BTBD9: variants seen among roughly 807,000 people sequenced by gnomAD.
BTBD9 encodes the protein BTB domain containing 9, also known as BTB/POZ domain-containing protein 9.
Under a neutral mutation model 64.3 loss-of-function variants are expected in BTBD9, and 49 were observed. The observed-to-expected ratio is 0.76, with a 90% CI of 0.61 to 0.97. The LOEUF (loss-of-function observed/expected upper bound fraction) is 0.97, where lower values mean the gene tolerates loss of function less well. BTBD9 is among the 50% of genes least tolerant of loss of function. BTBD9 has a pLI of 0.00. For missense variants in BTBD9, 598 were observed against 762.1 expected, an observed-to-expected ratio of 0.78 and a Z score of 2.53; for synonymous variants, 260 against 274.7, an observed-to-expected ratio of 0.95 and a Z score of 0.53.
At chr6:38,508,068 TG>T (rs760747243) in intron 6 of BTBD9, among the ~76,000 whole-genome samples, 5 of 151,964 alleles carry the variant, frequency 3.3e-5, no homozygotes, top group Non-Finnish European at 5.9e-5. Flanking sequence ...CTCCTGACCT[TG>T]TGATCCACCT....
intron 6 of BTBD9, among the ~76,000 whole-genome samples, chr6:38,537,816 C>T (rs1774087754): frequency 6.6e-6 from 1 of 152,086 alleles, no homozygotes; most frequent in South Asian, 2.1e-4. Context: ...TAAGTTCTCA[C>T]CAAAGGAACG....
intron 1 of BTBD9, among the ~76,000 whole-genome samples, chr6:38,624,071 T>C (rs1220444184): frequency 6.6e-6 from 1 of 152,080 alleles, no homozygotes; most frequent in Non-Finnish European, 1.5e-5. Context: ...CTGGGTTGAG[T>C]GGGGACTTGG....
intron 1 of BTBD9, among the ~76,000 whole-genome samples, chr6:38,634,150 T>C (rs891042390): frequency 3.9e-5 from 6 of 152,226 alleles, no homozygotes; most frequent in Admixed American, 1.3e-4. Context: ...CTGTCAGTCA[T>C]GAAGCTCCAA....
intron 8 of BTBD9, among the ~76,000 whole-genome samples, chr6:38,272,868 G>T (rs1765242428): frequency 6.6e-6 from 1 of 152,066 alleles, no homozygotes; most frequent in Admixed American, 6.6e-5. Context: ...ATCAGGAAAA[G>T]AAATGACAAG....
intron 6 of BTBD9, among the ~76,000 whole-genome samples, chr6:38,520,336 C>A (rs1773221448): frequency 6.6e-6 from 1 of 152,094 alleles, no homozygotes; most frequent in East Asian, 1.9e-4. Context: ...TGACACGCAT[C>A]TGTCGTCCCA....
intron 6 of BTBD9, among the ~76,000 whole-genome samples, chr6:38,403,636 A>T (rs1417431519): frequency 1.3e-5 from 2 of 152,212 alleles, no homozygotes; most frequent in Admixed American, 1.3e-4. Flanking sequence ...GCCGGAATGT[A>T]AAATGGTACA....
In BTBD9 at chr6:38,171,294, C is replaced by G. The variant is rs891225631; in HGVS notation, c.*3691G>C. ...ATACTGGGCAATTTTTTGCACAATT[C>G]AAAAGCTTTTTTTCTCTTTTTTGCC... is the stretch of plus-strand genomic sequence containing the variant. On this transcript the variant is annotated 3_prime_UTR_variant, in exon 11 of 11. Coordinates refer to ENST00000481247, the MANE Select transcript of BTBD9 (RefSeq NM_001099272.2). The G allele has an allele frequency of 6.6e-6, 1 of 152,156 alleles. No homozygotes were observed. The highest frequency in any genetic ancestry group is 2.4e-5 in the African/African-American group (1 of 41,442). 9.4% of individuals were successfully genotyped at this position (152,156 alleles called of 1,614,324 possible). A position where few individuals can be genotyped will look rare whatever the true frequency, so the allele number is the denominator to read the frequency against.
intron 10 of BTBD9, among the ~76,000 whole-genome samples, chr6:38,178,447 C>CT (rs1481275807): frequency 6.6e-6 from 1 of 152,170 alleles, no homozygotes; most frequent in African/African-American, 2.4e-5. Context: ...TCCTACGTGC[C>CT]TGACTGGGCG....
chr6:38,359,444 C>G (rs575292792), intron 6 of BTBD9, among the ~76,000 whole-genome samples: 1 of 152,340 alleles, frequency 6.6e-6, no homozygotes, highest in East Asian at 1.9e-4. Context: ...GTTCTCCCAG[C>G]TTGTCTTCTG....
intron 7 of BTBD9, among the ~76,000 whole-genome samples, chr6:38,328,991 T>C (rs1047013326): frequency 1.3e-5 from 2 of 150,578 alleles, no homozygotes; most frequent in African/African-American, 4.9e-5. Flanking sequence ...TGTGTGTGTG[T>C]GTGTGTGTGT....
intron 9 of BTBD9, among the ~76,000 whole-genome samples, chr6:38,211,990 G>A (rs937371955): frequency 6.6e-6 from 1 of 152,174 alleles, no homozygotes; most frequent in Non-Finnish European, 1.5e-5. Flanking sequence ...GGTGATGTGG[G>A]GAAGGGAAAT....
At chr6:38,542,814 G>T (rs886222449) in intron 6 of BTBD9, among the ~76,000 whole-genome samples, 1 of 152,110 alleles carries the variant, frequency 6.6e-6, no homozygotes, top group Admixed American at 6.5e-5. Flanking sequence ...TAGGCCCAAA[G>T]AAAGTTGCTA....
At chr6:38,442,666 T>G (rs1769091336) in intron 6 of BTBD9, among the ~76,000 whole-genome samples, 1 of 139,198 alleles carries the variant, frequency 7.2e-6, no homozygotes, top group Non-Finnish European at 1.6e-5. Context: ...GTACTCTTTT[T>G]TTTTTTTTTT....
chr6:38,231,139 G>A (rs1015403895), intron 9 of BTBD9, among the ~76,000 whole-genome samples: 18 of 152,178 alleles, frequency 1.2e-4, no homozygotes, highest in South Asian at 4.1e-4. Flanking sequence ...CATTTGCTAT[G>A]ACCTAACTTG....
rs150535770 is a variant in BTBD9, at chr6:38,546,856, T to C, written c.1154+30744A>G. ...GCTAATCTTGTATTTTTAGTAGAGA[T>C]GGGGTTTCATCATGTTGGTCAGACT... On this transcript the variant is annotated intron_variant, in intron 6 of 10. Coordinates refer to ENST00000481247, the MANE Select transcript of BTBD9 (RefSeq NM_001099272.2). Among the ~76,000 whole-genome samples the C allele has an allele frequency of 2.6e-3, 401 of 152,142 alleles. 4 individuals carry two copies. Among genetic ancestry groups the C allele is most frequent in the Non-Finnish European group, 3.1e-3 (212 of 67,980 alleles).
At chr6:38,362,279 G>C (rs1042696288) in intron 6 of BTBD9, among the ~76,000 whole-genome samples, 3 of 152,202 alleles carry the variant, frequency 2.0e-5, no homozygotes. Flanking sequence ...GTCTCACGTT[G>C]TATCAAAGTT....
intron 10 of BTBD9, among the ~76,000 whole-genome samples, chr6:38,176,118 CG>C (rs1185849598): frequency 2.0e-5 from 3 of 152,064 alleles, no homozygotes; most frequent in Non-Finnish European, 4.4e-5. Flanking sequence ...CAACGTGCTT[CG>C]GGGGGTCCTG....
chr6:38,388,406 C>T (rs1766276634), intron 6 of BTBD9, among the ~76,000 whole-genome samples: 1 of 152,150 alleles, frequency 6.6e-6, no homozygotes, highest in African/African-American at 2.4e-5. Context: ...TTTGGTATAA[C>T]TTAGTGCCTG....
intron 2 of BTBD9, chr6:38,595,930 T>C (rs1001001091): frequency 8.1e-6 from 8 of 985,318 alleles, no homozygotes; most frequent in African/African-American, 1.7e-5. Context: ...TGGTATTTAT[T>C]TGGATTCTCA....
Sources: allele counts gnomAD v4.1 joint callset (sites outside exome capture counted in the v4.1 genomes callset), GRCh38; gene constraint gnomAD v4.1.1; transcripts MANE v1.5; gene names NCBI Gene and HGNC (gene_info 2026-07-23, HGNC 2026-07-21).